Variants in PIK3C2G observed in about 807,000 individuals in gnomAD.
PIK3C2G encodes the protein phosphatidylinositol-4-phosphate 3-kinase catalytic subunit type 2 gamma.
PIK3C2G carries 168 observed loss-of-function variants against 181.1 expected under a neutral mutation model. The observed-to-expected ratio is 0.93, with a 90% CI of 0.82 to 1.05. The LOEUF is 1.05. PIK3C2G is among the 50% of genes least tolerant of loss of function. The pLI is 0.00. For missense variants in PIK3C2G, 1,869 were observed against 1,732.8 expected, an observed-to-expected ratio of 1.08 and a Z score of -1.40; for synonymous variants, 573 against 592.2, an observed-to-expected ratio of 0.97 and a Z score of 0.47.
chr12:18,326,072 T>G (rs1290085442), intron 8 of PIK3C2G, among the ~76,000 whole-genome samples: 2 of 152,152 alleles, frequency 1.3e-5, no homozygotes, highest in Admixed American at 6.6e-5. Flanking sequence ...AATGTGCAAT[T>G]TACATGATTT....
the PIK3C2G span, among the ~76,000 whole-genome samples, chr12:18,697,044 C>T: frequency 6.6e-6 from 1 of 152,076 alleles, no homozygotes. Flanking sequence ...CTAACTTAAA[C>T]CCTTTACCAT....
chr12:18,397,492 G>C (rs1016624045), intron 15 of PIK3C2G, among the ~76,000 whole-genome samples: 21 of 151,946 alleles, frequency 1.4e-4, no homozygotes, highest in African/African-American at 5.1e-4. Flanking sequence ...TGAGCAGAGA[G>C]TTCAAACAAA....
chr12:18,719,481 A>G, the PIK3C2G span: 1 of 1,581,128 alleles, frequency 6.3e-7, no homozygotes, highest in Non-Finnish European at 8.6e-7. Flanking sequence ...CAGATACCAA[A>G]TATGTGTTAT....
At chr12:18,634,530 A>G (rs890108341) in intron 31 of PIK3C2G, among the ~76,000 whole-genome samples, 2 of 152,214 alleles carry the variant, frequency 1.3e-5, no homozygotes, top group East Asian at 1.9e-4. Flanking sequence ...AAGCAGTCCA[A>G]TGTAATCAAC....
Position 18,460,623 on chromosome 12 carries a change from C to CATATATATATATAT in PIK3C2G, c.2505-27814_2505-27801dup, listed in dbSNP as rs144060852. On this transcript the variant is annotated intron_variant, in intron 18 of 32. Coordinates refer to ENST00000538779, the MANE Select transcript of PIK3C2G (RefSeq NM_001288772.2). ...TAAATAAAAAGATTGACATCATATT[C>CATATATATATATAT]ATATATATATATATATATATATATA... Among the ~76,000 whole-genome samples the CATATATATATATAT allele has an allele frequency of 5.9e-3, 803 of 135,968 alleles. 8 individuals are homozygous for CATATATATATATAT. Among genetic ancestry groups the CATATATATATATAT allele is most frequent in the African/African-American group, 0.017 (625 of 36,378 alleles). 89.2% of individuals were successfully genotyped at this position (135,968 alleles called of 152,430 possible).
intron 29 of PIK3C2G, among the ~76,000 whole-genome samples, chr12:18,588,646 G>A (rs558294957): frequency 3.3e-5 from 5 of 152,190 alleles, no homozygotes; most frequent in African/African-American, 9.6e-5. Flanking sequence ...GTTGTTGGGA[G>A]TGTAAATTAG....
chr12:18,543,078 C>T (rs754888847), intron 25 of PIK3C2G, among the ~76,000 whole-genome samples: 2 of 151,950 alleles, frequency 1.3e-5, no homozygotes, highest in Admixed American at 6.6e-5. Flanking sequence ...TTAGTAATAG[C>T]CATTCTGACT....
At chr12:18,689,322 A>C in the PIK3C2G span, among the ~76,000 whole-genome samples, 1 of 152,212 alleles carries the variant, frequency 6.6e-6, no homozygotes, top group African/African-American at 2.4e-5. Context: ...TTGAATATGA[A>C]AACTGAATGA....
chr12:18,687,841 A>C, the PIK3C2G span, among the ~76,000 whole-genome samples: 1 of 152,038 alleles, frequency 6.6e-6, no homozygotes, highest in Non-Finnish European at 1.5e-5. Context: ...AAAAGAGGTA[A>C]ATTTTTTTTA....
intron 25 of PIK3C2G, among the ~76,000 whole-genome samples, chr12:18,541,283 T>C (rs1334653495): frequency 6.6e-6 from 1 of 151,920 alleles, no homozygotes; most frequent in Admixed American, 6.6e-5. Flanking sequence ...CAGATATCCA[T>C]ATTGCTTTTT....
At chr12:18,665,922 T>TA in the PIK3C2G span, among the ~76,000 whole-genome samples, 39 of 138,644 alleles carry the variant, frequency 2.8e-4, no homozygotes, top group Non-Finnish European at 5.5e-4. Context: ...GTGACAGAGA[T>TA]AGACTCCATC....
upstream of PIK3C2G, among the ~76,000 whole-genome samples, chr12:18,257,974 T>A (rs1948165225): frequency 6.6e-6 from 1 of 152,194 alleles, no homozygotes; most frequent in Admixed American, 6.5e-5. Context: ...ACTCTCATCC[T>A]GACTCTCGGC....
intron 15 of PIK3C2G, among the ~76,000 whole-genome samples, chr12:18,395,100 TTTCA>T (rs1325505415): frequency 4.0e-5 from 6 of 150,842 alleles, no homozygotes; most frequent in Admixed American, 6.7e-5. Flanking sequence ...TCTTTCTTTC[TTTCA>T]TTCTTTCTTT....
At chr12:18,300,797 T>C (rs1950144521) in intron 5 of PIK3C2G, among the ~76,000 whole-genome samples, 1 of 152,134 alleles carries the variant, frequency 6.6e-6, no homozygotes, top group South Asian at 2.1e-4. Flanking sequence ...ACAGTAAGTT[T>C]TATACTTTCA....
rs189286619 is a variant in PIK3C2G at position 18,336,579 on chromosome 12, G to A, written c.1273-1847G>A. Among the ~76,000 whole-genome samples, 811 of 152,160 alleles carry A rather than the reference G, an allele frequency of 5.3e-3. 4 individuals carry two copies. The highest frequency in any genetic ancestry group is 0.014 in the South Asian group (67 of 4,826). On this transcript the variant is annotated intron_variant, in intron 8 of 32. Coordinates refer to ENST00000538779, the MANE Select transcript of PIK3C2G (RefSeq NM_001288772.2). ...TCTATTTAATTGTGAACTGGATCTG[G>A]TAGCCACATCACAATATTGACTTAC...
intron 11 of PIK3C2G, among the ~76,000 whole-genome samples, chr12:18,350,694 A>G (rs1007269428): frequency 8.5e-5 from 13 of 152,196 alleles, no homozygotes; most frequent in African/African-American, 2.9e-4. Flanking sequence ...ATCTCTCAAT[A>G]TAAATACTGA....
At position 18,621,232 on chromosome 12, in the gene PIK3C2G, CAA is replaced by C. The variant is rs1474192492; in HGVS notation, c.4182+11605_4182+11606del. Reference sequence around the variant, plus strand: ...AAAAACAAAAAACAGAAAAGAAAAACAAAGAGTTCAATTGCCTGTTAGCTCAT... The same window carrying C: ...AAAAACAAAAAACAGAAAAGAAAAACAGAGTTCAATTGCCTGTTAGCTCAT... On this transcript the variant is annotated intron_variant, in intron 31 of 32. Coordinates refer to ENST00000538779, the MANE Select transcript of PIK3C2G (RefSeq NM_001288772.2). Among the ~76,000 whole-genome samples the C allele has an allele frequency of 2.7e-5, 4 of 150,776 alleles. No homozygotes were observed. The East Asian group carries it at 7.8e-4, about 29-fold the overall frequency.
intron 29 of PIK3C2G, among the ~76,000 whole-genome samples, chr12:18,575,230 GT>G (rs1475335791): frequency 6.6e-6 from 1 of 152,096 alleles, no homozygotes; most frequent in African/African-American, 2.4e-5. Context: ...TCAAATTATA[GT>G]TCCTATATGG....
At chr12:18,636,642 A>G (rs1949617459) in intron 31 of PIK3C2G, among the ~76,000 whole-genome samples, 1 of 152,180 alleles carries the variant, frequency 6.6e-6, no homozygotes, top group Non-Finnish European at 1.5e-5. Flanking sequence ...CATCTAGTAT[A>G]GCAGCTGCAA....
Sources: gnomAD v4.1 joint callset for allele counts (sites outside exome capture counted in the v4.1 genomes callset) on GRCh38, gnomAD v4.1.1 for gene constraint, MANE v1.5 for transcripts, NCBI Gene and HGNC (gene_info 2026-07-23, HGNC 2026-07-21) for gene names.